SUMO2: variants seen among roughly 807,000 people sequenced by gnomAD.
SUMO2 encodes small ubiquitin like modifier 2, also known as small ubiquitin-related modifier 2.
A neutral mutation model predicts 16.0 loss-of-function variants in SUMO2; 1 was observed. The ratio of observed to expected loss-of-function variants is 0.06; its 90% confidence interval spans 0.02 to 0.30. SUMO2 has a LOEUF of 0.30. Among genes scored for constraint, SUMO2 ranks in the 10% least tolerant of loss-of-function variants. The pLI is 1.00. For synonymous variants in SUMO2, 36 were observed against 40.6 expected (o/e 0.89, Z 0.43); for missense variants, 16 against 117.5 (o/e 0.14, Z 3.99).
chr17:75,172,683 C>T (rs1035602638), intron 3 of SUMO2, among the ~76,000 whole-genome samples: 6 of 151,946 alleles, frequency 3.9e-5, no homozygotes, highest in Non-Finnish European at 5.9e-5. Context: ...CCATGTTGGT[C>T]GGAGTGGTCT....
chr17:75,170,521 G>C (rs1323451849), intron 3 of SUMO2, among the ~76,000 whole-genome samples: 1 of 152,086 alleles, frequency 6.6e-6, no homozygotes, highest in Non-Finnish European at 1.5e-5. Flanking sequence ...AGTGAGCTGT[G>C]ATTGCCCCAC....
intron 3 of SUMO2, among the ~76,000 whole-genome samples, chr17:75,170,616 C>T (rs2074729609): frequency 6.6e-6 from 1 of 151,208 alleles, no homozygotes; most frequent in South Asian, 2.1e-4. Context: ...AAACCCACGG[C>T]AGGCGTGGTG....
intron 2 of SUMO2, among the ~76,000 whole-genome samples, chr17:75,177,195 T>A (rs955276232): frequency 6.7e-6 from 1 of 150,230 alleles, no homozygotes; most frequent in African/African-American, 2.4e-5. Flanking sequence ...AATTAATTAA[T>A]TAAATAAATA....
chr17:75,180,953 C>T (rs1234814633), intron 2 of SUMO2, 104 bp downstream of exon 2: 28 of 1,359,530 alleles, frequency 2.1e-5, no homozygotes, highest in Non-Finnish European at 2.7e-5. Flanking sequence ...ATATTCATCC[C>T]ATCAAAAAGT....
At chr17:75,181,698 A>G (rs189839524) in intron 1 of SUMO2, among the ~76,000 whole-genome samples, 1 of 152,238 alleles carries the variant, frequency 6.6e-6, no homozygotes, top group East Asian at 1.9e-4. Flanking sequence ...GAAACACACA[A>G]ACAAAAAAAA....
Position 75,165,835 on chromosome 17 carries a change from C to G in SUMO2, c.*2504G>C, listed in dbSNP as rs1260411681. ...GGTCAGGAGTTTGAGACCAGCCTGG[C>G]TAACATGGTGAAGCCCTGTCTCTAC... On this transcript the variant is annotated 3_prime_UTR_variant, in exon 4 of 4. Coordinates refer to ENST00000420826, the MANE Select transcript of SUMO2 (RefSeq NM_006937.4). 1 of 151,970 alleles carries G rather than the reference C, an allele frequency of 6.6e-6. No individual in the cohort carries two copies. Among genetic ancestry groups the G allele is most frequent in the Non-Finnish European group, 1.5e-5 (1 of 68,036 alleles). The allele number at this position is 151,970 out of a possible 1,614,324, so 9.4% of individuals were successfully genotyped here. A position where few individuals can be genotyped will look rare whatever the true frequency, so the allele number is the denominator to read the frequency against.
intron 2 of SUMO2, among the ~76,000 whole-genome samples, chr17:75,177,856 G>A (rs2074795018): frequency 1.3e-5 from 2 of 151,774 alleles, no homozygotes; most frequent in African/African-American, 4.8e-5. Flanking sequence ...GAGCACGGTG[G>A]TAGGTGCCTA....
At chr17:75,174,215 C>T (rs1185976249) in intron 3 of SUMO2, among the ~76,000 whole-genome samples, 3 of 151,476 alleles carry the variant, frequency 2.0e-5, no homozygotes, top group Admixed American at 1.3e-4. Context: ...CATGGTGAAA[C>T]CCCATCCCTA....
At position 75,168,263 on chromosome 17, in the gene SUMO2, T is replaced by C; in HGVS notation, c.*76A>G. ...GTAGTCAGGATGTGGTGGAACCAAA[T>C]TGCAGTTTTCTAATTGAGAATGTAA... On this transcript the variant is annotated 3_prime_UTR_variant, in exon 4 of 4. Coordinates refer to ENST00000420826, the MANE Select transcript of SUMO2 (RefSeq NM_006937.4). 5 of 1,118,120 alleles carry C rather than the reference T, an allele frequency of 4.5e-6. No individual in the cohort carries two copies. In the South Asian group the frequency reaches 4.6e-5, roughly 10 times the overall value. The allele number at this position is 1,118,120 out of a possible 1,614,324, so 69.3% of individuals were successfully genotyped here. A position where few individuals can be genotyped will look rare whatever the true frequency, so the allele number is the denominator to read the frequency against.
chr17:75,168,693 C>T (rs2074711961), intron 3 of SUMO2, among the ~76,000 whole-genome samples: 1 of 152,064 alleles, frequency 6.6e-6, no homozygotes. Context: ...ACGTCCACCC[C>T]TCAGGTTCAA....
intron 3 of SUMO2, among the ~76,000 whole-genome samples, chr17:75,168,845 T>C (rs1450434356): frequency 6.6e-6 from 1 of 152,094 alleles, no homozygotes; most frequent in Non-Finnish European, 1.5e-5. Flanking sequence ...GCTCAAGTGA[T>C]CTGCCTGCCT....
intron 2 of SUMO2, among the ~76,000 whole-genome samples, chr17:75,176,668 T>C (rs1217270813): frequency 6.6e-6 from 1 of 151,986 alleles, no homozygotes; most frequent in African/African-American, 2.4e-5. Context: ...ACCTACACCC[T>C]TGAACTTCCT....
chr17:75,175,408 C>A (rs1158179639), intron 2 of SUMO2, among the ~76,000 whole-genome samples: 2 of 152,028 alleles, frequency 1.3e-5, no homozygotes, highest in East Asian at 3.9e-4. Flanking sequence ...GCAACCTCCA[C>A]CTTTTGGGTT....
intron 3 of SUMO2, among the ~76,000 whole-genome samples, chr17:75,169,584 C>T (rs949039563): frequency 2.6e-5 from 4 of 151,822 alleles, no homozygotes; most frequent in Admixed American, 6.6e-5. Context: ...GGGGTTTCAC[C>T]GTGTTAGCCA....
intron 2 of SUMO2, among the ~76,000 whole-genome samples, chr17:75,177,801 T>G (rs1291537621): frequency 6.7e-6 from 1 of 150,332 alleles, no homozygotes; most frequent in South Asian, 2.1e-4. Context: ...AAGACCAGCC[T>G]GGCCAACGTG....
chr17:75,167,570 T>A lies in SUMO2; in HGVS notation c.*769A>T, dbSNP rs1453316196. On this transcript the variant is annotated 3_prime_UTR_variant, in exon 4 of 4. Transcript: ENST00000420826. The stretch of plus-strand genomic sequence containing the variant: ...GAGAAACTTTTGGAACAAGGTGATA[T>A]TTATAAAACTGTTATTCTTTGTTTG... 6.6e-6 allele frequency: 1 copy of A among 152,172 alleles called. No homozygotes were observed. Among genetic ancestry groups the A allele is most frequent in the African/African-American group, 2.4e-5 (1 of 41,454 alleles). 9.4% of individuals were successfully genotyped at this position (152,172 alleles called of 1,614,324 possible). A position where few individuals can be genotyped will look rare whatever the true frequency, so the allele number is the denominator to read the frequency against.
At chr17:75,182,791 GA>G in intron 1 of SUMO2, 22 bp downstream of exon 1, 1 of 1,355,544 alleles carries the variant, frequency 7.4e-7, no homozygotes, top group Admixed American at 3.3e-5. Flanking sequence ...GCGGCGAGGC[GA>G]AGGGGCCGGC....
rs1325420655 is a variant in SUMO2 at position 75,180,265 on chromosome 17, GAT to G, written c.153+790_153+791del. Among the ~76,000 whole-genome samples, 23 of 151,966 alleles carry G rather than the reference GAT, an allele frequency of 1.5e-4. 1 individual carries two copies. The East Asian group carries it at 4.3e-3, about 28-fold the overall frequency. On this transcript the variant is annotated intron_variant, in intron 2 of 3. Coordinates refer to ENST00000420826, the MANE Select transcript of SUMO2 (RefSeq NM_006937.4). ...GGAGGCAGAGGTTGCAGTGAGCCAAGATTGCACCACTGCACTCCAGCCTGGGC... is the reference window on the plus strand; with the variant it reads ...GGAGGCAGAGGTTGCAGTGAGCCAAGTGCACCACTGCACTCCAGCCTGGGC...
intron 2 of SUMO2, among the ~76,000 whole-genome samples, chr17:75,177,205 A>T (rs1225160869): frequency 6.6e-6 from 1 of 151,664 alleles, no homozygotes; most frequent in Admixed American, 6.6e-5. Context: ...TTAAATAAAT[A>T]AAAATACAAA....
Sources: allele counts gnomAD v4.1 joint callset (sites outside exome capture counted in the v4.1 genomes callset), GRCh38; gene constraint gnomAD v4.1.1; transcripts MANE v1.5; gene names NCBI Gene and HGNC (gene_info 2026-07-23, HGNC 2026-07-21).